Variants in TMTC2 observed in about 807,000 individuals in gnomAD.
TMTC2 encodes protein O-mannosyl-transferase TMTC2.
In TMTC2, 43 loss-of-function variants were observed where a neutral mutation model predicts 82.4. The ratio of observed to expected loss-of-function variants is 0.52; its 90% confidence interval spans 0.41 to 0.67. The LOEUF is 0.67. Ranked by LOEUF, TMTC2 falls within the 30% of genes least tolerant of loss-of-function variation. TMTC2 has a pLI of 0.00. For synonymous variants in TMTC2, 408 were observed against 381.9 expected (o/e 1.07, Z -0.80); for missense variants, 919 against 1,012.4 (o/e 0.91, Z 1.25).
At chr12:83,112,622 TC>T (rs984603468) in intron 11 of TMTC2, among the ~76,000 whole-genome samples, 25 of 152,328 alleles carry the variant, frequency 1.6e-4, no homozygotes, top group African/African-American at 6.0e-4. Flanking sequence ...AGTAAAGTAT[TC>T]ATAAGATACG....
At chr12:82,875,668 T>C (rs1872448180) in intron 2 of TMTC2, among the ~76,000 whole-genome samples, 1 of 152,070 alleles carries the variant, frequency 6.6e-6, no homozygotes, top group African/African-American at 2.4e-5. Flanking sequence ...AATTACCCCA[T>C]AAAGGAAGCC....
chr12:82,941,521 T>G (rs562621724), intron 4 of TMTC2, among the ~76,000 whole-genome samples: 8 of 152,330 alleles, frequency 5.3e-5, no homozygotes, highest in Non-Finnish European at 7.4e-5. Context: ...GAGTTCAAGT[T>G]TGCTGACCCC....
At chr12:82,713,110 A>G (rs1397403392) in intron 1 of TMTC2, among the ~76,000 whole-genome samples, 1 of 152,188 alleles carries the variant, frequency 6.6e-6, no homozygotes, top group African/African-American at 2.4e-5. Flanking sequence ...ATCTGAGGTC[A>G]GGGGTTCGAG....
chr12:82,805,647 A>G lies in TMTC2; in HGVS notation c.84-51363A>G, dbSNP rs113255442. Among the ~76,000 whole-genome samples the G allele has an allele frequency of 4.6e-3, 696 of 151,648 alleles. 4 individuals are homozygous for G. The highest frequency in any genetic ancestry group is 0.016 in the African/African-American group (662 of 41,376). On this transcript the variant is annotated intron_variant, in intron 1 of 11. Coordinates refer to ENST00000321196, the MANE Select transcript of TMTC2 (RefSeq NM_152588.3). ...CTCAGCCTCCCTAGTAGCTGGGACT[A>G]TAGGCACCTGGCACCACGCCCGGCT...
intron 7 of TMTC2, among the ~76,000 whole-genome samples, chr12:82,971,460 T>A (rs565392765): frequency 6.6e-6 from 1 of 152,144 alleles, no homozygotes; most frequent in African/African-American, 2.4e-5. Context: ...TTTCTTTTTT[T>A]ATAATTGTTT....
chr12:83,038,756 T>A (rs1464726589), intron 9 of TMTC2, among the ~76,000 whole-genome samples: 1 of 152,144 alleles, frequency 6.6e-6, no homozygotes, highest in Non-Finnish European at 1.5e-5. Context: ...AAACAAACTT[T>A]TTAAAATATC....
chr12:83,033,854 A>G (rs1366521661), intron 9 of TMTC2, among the ~76,000 whole-genome samples: 1 of 149,480 alleles, frequency 6.7e-6, no homozygotes, highest in African/African-American at 2.5e-5. Context: ...ATGTGTATAT[A>G]TATATGTGTA....
chr12:82,697,177 C>G (rs968146796), intron 1 of TMTC2, among the ~76,000 whole-genome samples: 3 of 151,404 alleles, frequency 2.0e-5, no homozygotes, highest in African/African-American at 7.3e-5. Context: ...AACCCCGTCT[C>G]TACTAAAATA....
chr12:82,999,718 G>A (rs1158464436), intron 8 of TMTC2, among the ~76,000 whole-genome samples: 1 of 152,132 alleles, frequency 6.6e-6, no homozygotes, highest in Non-Finnish European at 1.5e-5. Flanking sequence ...AGAACAGCAT[G>A]GGAAAGACCC....
At chr12:83,018,072 G>A (rs1222916619) in intron 8 of TMTC2, among the ~76,000 whole-genome samples, 1 of 149,818 alleles carries the variant, frequency 6.7e-6, no homozygotes, top group Admixed American at 6.7e-5. Flanking sequence ...TATAAAATTA[G>A]AGAATTATTT....
intron 2 of TMTC2, 135 bp from the exon 3 acceptor site, chr12:82,895,683 T>G (rs1317927046): frequency 5.4e-6 from 4 of 735,482 alleles, no homozygotes; most frequent in Non-Finnish European, 6.2e-6. Flanking sequence ...GTGATGGACA[T>G]GAAGTCATGT....
intron 8 of TMTC2, among the ~76,000 whole-genome samples, chr12:83,012,726 G>C (rs185787517): frequency 6.6e-6 from 1 of 152,244 alleles, no homozygotes; most frequent in African/African-American, 2.4e-5. Flanking sequence ...AGCAAAGTGT[G>C]TAATATAAGC....
intron 1 of TMTC2, among the ~76,000 whole-genome samples, chr12:82,716,266 C>G (rs2136920112): frequency 6.6e-6 from 1 of 151,798 alleles, no homozygotes; most frequent in Non-Finnish European, 1.5e-5. Context: ...AGAGAGCTTG[C>G]TGGTAGCAGA....
chr12:83,012,173 G>A, intron 8 of TMTC2, among the ~76,000 whole-genome samples: 1 of 152,032 alleles, frequency 6.6e-6, no homozygotes, highest in East Asian at 1.9e-4. Flanking sequence ...TATCAGCTTG[G>A]TCTTACTTAT....
intron 1 of TMTC2, among the ~76,000 whole-genome samples, chr12:82,777,064 T>C (rs1380566978): frequency 6.6e-6 from 1 of 152,190 alleles, no homozygotes; most frequent in East Asian, 1.9e-4. Context: ...ACCATATTCA[T>C]AGATTTTATT....
intron 1 of TMTC2, among the ~76,000 whole-genome samples, chr12:82,729,589 C>A (rs536303653): frequency 6.6e-6 from 1 of 151,968 alleles, no homozygotes; most frequent in Non-Finnish European, 1.5e-5. Context: ...TTGTGTCTAG[C>A]GCAGGGATTG....
At chr12:83,057,507 G>C (rs1882589728) in intron 10 of TMTC2, among the ~76,000 whole-genome samples, 2 of 151,950 alleles carry the variant, frequency 1.3e-5, no homozygotes, top group Middle Eastern at 6.8e-3. Flanking sequence ...GTATGACTCT[G>C]GTTTCACTAT....
chr12:82,729,539 A>T (rs1407119740), intron 1 of TMTC2, among the ~76,000 whole-genome samples: 1 of 152,130 alleles, frequency 6.6e-6, no homozygotes, highest in Non-Finnish European at 1.5e-5. Flanking sequence ...TTGTGTGGAC[A>T]CTGTGTATCT....
intron 8 of TMTC2, among the ~76,000 whole-genome samples, chr12:83,007,537 C>T (rs1390266060): frequency 1.3e-5 from 2 of 152,128 alleles, no homozygotes; most frequent in Non-Finnish European, 2.9e-5. Flanking sequence ...GATGTGCGTA[C>T]AATTACCTTA....
Sources: allele counts gnomAD v4.1 joint callset (sites outside exome capture counted in the v4.1 genomes callset), GRCh38; gene constraint gnomAD v4.1.1; transcripts MANE v1.5; gene names NCBI Gene and HGNC (gene_info 2026-07-23, HGNC 2026-07-21).